CD38: variants seen among roughly 807,000 people sequenced by gnomAD.
The protein encoded by CD38 is CD38 molecule.
A neutral mutation model predicts 36.3 loss-of-function variants in CD38; 31 were observed. The ratio of observed to expected loss-of-function variants is 0.85; its 90% CI spans 0.64 to 1.15. The LOEUF is 1.15. CD38 is among the 50% of genes most tolerant of loss of function. CD38 has a pLI of 0.00. For synonymous variants in CD38, 131 were observed against 135.2 expected (o/e 0.97, Z 0.22); for missense variants, 380 against 371.9 (o/e 1.02, Z -0.18).
Position 15,852,854 on chromosome 4 carries a change from G to A in CD38, c.*4252G>A, listed in dbSNP as rs1391254190. ...GGAGACGGAGTCTCGCTGTCGCCCA[G>A]GCTAGAGTGCAGTGGCGCGATCTCG... is the stretch of plus-strand genomic sequence containing the variant. On this transcript the variant is annotated 3_prime_UTR_variant, in exon 8 of 8. Coordinates refer to ENST00000226279, the MANE Select transcript of CD38 (RefSeq NM_001775.4). 1 of 144,592 alleles carries A rather than the reference G, an allele frequency of 6.9e-6. No individual in the cohort carries two copies. The highest frequency in any genetic ancestry group is 1.5e-5 in the Non-Finnish European group (1 of 67,034). 9.0% of individuals were successfully genotyped at this position (144,592 alleles called of 1,614,324 possible).
At chr4:15,840,253 C>T in intron 6 of CD38, 135 bp downstream of exon 6, 1 of 745,032 alleles carries the variant, frequency 1.3e-6, no homozygotes, top group East Asian at 2.5e-5. Flanking sequence ...TCCCAACAGC[C>T]TCTTAACTTT....
chr4:15,804,217 A>G (rs888913133), intron 1 of CD38, among the ~76,000 whole-genome samples: 2 of 151,722 alleles, frequency 1.3e-5, no homozygotes, highest in African/African-American at 4.9e-5. Flanking sequence ...AGTTTTTATT[A>G]ATAGTTCTTT....
chr4:15,806,719 A>G (rs903659482), intron 1 of CD38, among the ~76,000 whole-genome samples: 4 of 152,178 alleles, frequency 2.6e-5, no homozygotes, highest in East Asian at 1.9e-4. Context: ...TCTGGGATCT[A>G]TTGGCAGGAG....
intron 1 of CD38, among the ~76,000 whole-genome samples, chr4:15,790,990 G>C (rs1722967181): frequency 6.9e-6 from 1 of 145,788 alleles, no homozygotes; most frequent in African/African-American, 2.6e-5. Context: ...CGGCCACCCC[G>C]TCTGGGAAGT....
intron 2 of CD38, among the ~76,000 whole-genome samples, chr4:15,818,791 TAA>T (rs1723666398): frequency 6.6e-6 from 1 of 151,726 alleles, no homozygotes; most frequent in Admixed American, 6.6e-5. Context: ...GCCTGACTGC[TAA>T]AAGAAAAAAC....
chr4:15,809,587 A>G (rs1328766539), intron 1 of CD38, among the ~76,000 whole-genome samples: 1 of 152,122 alleles, frequency 6.6e-6, no homozygotes, highest in African/African-American at 2.4e-5. Context: ...GTGACCTTGA[A>G]GTGTGGCCAG....
chr4:15,803,070 G>T (rs758960507), intron 1 of CD38, among the ~76,000 whole-genome samples: 4 of 152,092 alleles, frequency 2.6e-5, no homozygotes, highest in Admixed American at 6.6e-5. Context: ...AATAAATATT[G>T]CTGGGGAAAC....
At chr4:15,819,109 TCTCA>T (rs35667125) in intron 2 of CD38, among the ~76,000 whole-genome samples, 22,245 of 151,980 alleles carry the variant, frequency 0.15, 2,167 homozygotes, top group Non-Finnish European at 0.22. Flanking sequence ...CACCACATGT[TCTCA>T]CTCATAAGTG....
At chr4:15,789,043 T>C (rs1284834260) in intron 1 of CD38, among the ~76,000 whole-genome samples, 1 of 152,194 alleles carries the variant, frequency 6.6e-6, no homozygotes, top group Non-Finnish European at 1.5e-5. Flanking sequence ...AAGACAAATA[T>C]ATGTTTTACC....
At chr4:15,841,984 G>C (rs1248780648) in intron 7 of CD38, among the ~76,000 whole-genome samples, 2 of 141,324 alleles carry the variant, frequency 1.4e-5, no homozygotes, top group Non-Finnish European at 3.0e-5. Flanking sequence ...GGCTGGGGGA[G>C]GGGCGCCCGC....
intron 3 of CD38, among the ~76,000 whole-genome samples, chr4:15,832,097 G>T (rs1392600422): frequency 1.4e-4 from 21 of 151,998 alleles, no homozygotes. Flanking sequence ...GCATTCTTCA[G>T]TGTGTTATTT....
At chr4:15,814,504 A>G (rs2148921716) in intron 1 of CD38, among the ~76,000 whole-genome samples, 2 of 152,220 alleles carry the variant, frequency 1.3e-5, no homozygotes, top group Middle Eastern at 6.8e-3. Flanking sequence ...TTTAGTCATG[A>G]AGTCTTTGCC....
chr4:15,796,803 C>A (rs921768485), intron 1 of CD38, among the ~76,000 whole-genome samples: 2 of 152,088 alleles, frequency 1.3e-5, no homozygotes, highest in African/African-American at 2.4e-5. Context: ...TCTTGATGAT[C>A]AGTGTAGCTT....
intron 1 of CD38, among the ~76,000 whole-genome samples, chr4:15,807,785 C>T (rs1577645180): frequency 1.3e-5 from 2 of 152,210 alleles, no homozygotes; most frequent in African/African-American, 4.8e-5. Flanking sequence ...AGAGCTCCAT[C>T]TCTAGAATAC....
At chr4:15,783,125 A>G (rs1284502819) in intron 1 of CD38, among the ~76,000 whole-genome samples, 1 of 152,198 alleles carries the variant, frequency 6.6e-6, no homozygotes, top group Non-Finnish European at 1.5e-5. Context: ...CTCTGGGCAC[A>G]TGAGACCTGA....
At chr4:15,780,654 ACTAT>A (rs1722678358) in intron 1 of CD38, among the ~76,000 whole-genome samples, 1 of 151,872 alleles carries the variant, frequency 6.6e-6, no homozygotes, top group African/African-American at 2.4e-5. Flanking sequence ...TTGCCTTGAG[ACTAT>A]TTCTTTTTTG....
intron 1 of CD38, among the ~76,000 whole-genome samples, chr4:15,790,977 C>T (rs1195789789): frequency 7.4e-4 from 109 of 147,574 alleles, no homozygotes; most frequent in African/African-American, 2.5e-3. Flanking sequence ...CCCCTCCGTC[C>T]GGCGGCCACC....
rs1047949141 is a variant in CD38 at position 15,840,118 on chromosome 4, G to A, written c.752G>A (p.Arg251Lys). ...WVIHGGREDS[R>K]DLCQDPTIKE... ...ATACATGGTGGAAGAGAAGATTCCA[G>A]GTATATCTTACTACTTTGTACCCAA... Residue 251 changes from arginine (R) to lysine (K), a missense_variant and splice_region_variant, in exon 6 of 8, where the codon AGA becomes AAA. Arg to Lys is a conservative substitution (Grantham distance 26). Transcript: ENST00000226279. 5.7e-6 allele frequency: 9 copies of A among 1,589,924 alleles called. No homozygotes were observed. The highest frequency in any genetic ancestry group is 7.8e-6 in the Non-Finnish European group (9 of 1,157,970).
At chr4:15,839,957 T>C in intron 5 of CD38, 69 bp from the exon 6 acceptor site, 1 of 1,003,856 alleles carries the variant, frequency 1.0e-6, no homozygotes, top group Non-Finnish European at 1.6e-6. Context: ...TGCCTGCTGG[T>C]TGTTGAGGGG....
Sources: allele counts gnomAD v4.1 joint callset (sites outside exome capture counted in the v4.1 genomes callset), GRCh38; gene constraint gnomAD v4.1.1; transcripts MANE v1.5; gene names NCBI Gene and HGNC (gene_info 2026-07-23, HGNC 2026-07-21).